CHLSN: variants seen among roughly 807,000 people sequenced by gnomAD.
The protein encoded by CHLSN is protein cholesin.
At chr7:1,118,785 G>A in the CHLSN span, among the ~76,000 whole-genome samples, 1 of 103,554 alleles carries the variant, frequency 9.7e-6, no homozygotes, top group Non-Finnish European at 1.8e-5. Flanking sequence ...AAGATAGTGA[G>A]ACCCCATCTC....
the CHLSN span, among the ~76,000 whole-genome samples, chr7:1,083,811 C>T: frequency 2.0e-5 from 3 of 152,338 alleles, no homozygotes; most frequent in Admixed American, 6.5e-5. Flanking sequence ...GCGCCCACGT[C>T]CACCAGTGCC....
chr7:989,973 C>T, the CHLSN span, among the ~76,000 whole-genome samples: 2 of 112,080 alleles, frequency 1.8e-5, no homozygotes, highest in Non-Finnish European at 1.8e-5. Context: ...GTGTGAGTGG[C>T]GCGTGTGCTG....
chr7:1,101,742 C>G, the CHLSN span, among the ~76,000 whole-genome samples: 1 of 152,238 alleles, frequency 6.6e-6, no homozygotes, highest in African/African-American at 2.4e-5. Flanking sequence ...TTGGTATCCA[C>G]GCAGCCCGCA....
At chr7:1,007,573 C>G in the CHLSN span, among the ~76,000 whole-genome samples, 1 of 152,226 alleles carries the variant, frequency 6.6e-6, no homozygotes, top group Admixed American at 6.5e-5. Flanking sequence ...TGGAGACCCC[C>G]AGGAAAGAGG....
the CHLSN span, among the ~76,000 whole-genome samples, chr7:1,054,491 G>C: frequency 6.6e-6 from 1 of 152,250 alleles, no homozygotes; most frequent in East Asian, 1.9e-4. Flanking sequence ...TCGAGAGCCG[G>C]TTCAGGGCGA....
the CHLSN span, among the ~76,000 whole-genome samples, chr7:1,137,071 G>T: frequency 2.0e-5 from 3 of 152,084 alleles, no homozygotes; most frequent in African/African-American, 7.2e-5. Context: ...CCACTTGGAG[G>T]GAAAGTCAAG....
chr7:989,150 A>G, the CHLSN span: 1 of 353,464 alleles, frequency 2.8e-6, no homozygotes, highest in Non-Finnish European at 5.1e-6. Context: ...CCCAGCACCT[A>G]CAGCTGGGGC....
chr7:1,059,172 G>A, the CHLSN span: 1 of 168,024 alleles, frequency 6.0e-6, no homozygotes, highest in Non-Finnish European at 1.5e-5. Context: ...GATAACATCA[G>A]CTGAGGTTTT....
chr7:1,037,147 G>T, the CHLSN span, among the ~76,000 whole-genome samples: 1 of 146,064 alleles, frequency 6.8e-6, no homozygotes, highest in Non-Finnish European at 1.5e-5. Context: ...GTAATAGAAA[G>T]GATTTACTTC....
chr7:1,059,586 G>A, the CHLSN span, among the ~76,000 whole-genome samples: 34,277 of 135,076 alleles, frequency 0.25, 4,907 homozygotes, highest in African/African-American at 0.28. Flanking sequence ...TCCTAGTGAG[G>A]CGGGTCCCGA....
the CHLSN span, among the ~76,000 whole-genome samples, chr7:1,070,598 ACATGCACACATG>A: frequency 1.4e-5 from 2 of 146,826 alleles, no homozygotes; most frequent in Non-Finnish European, 3.0e-5. Context: ...ACACGCACAC[ACATGCACACATG>A]CATGCACACA....
the CHLSN span, among the ~76,000 whole-genome samples, chr7:1,108,628 G>C: frequency 9.2e-5 from 14 of 152,314 alleles, no homozygotes; most frequent in African/African-American, 3.1e-4. Context: ...CCAGCTAAAA[G>C]GATTTTGTAC....
At chr7:1,022,211 G>A in the CHLSN span, among the ~76,000 whole-genome samples, 174 of 152,304 alleles carry the variant, frequency 1.1e-3, no homozygotes, top group Middle Eastern at 3.4e-3. Flanking sequence ...CCCGTCCCAC[G>A]AGGACAGACG....
At chr7:995,594 G>A in the CHLSN span, among the ~76,000 whole-genome samples, 19 of 152,226 alleles carry the variant, frequency 1.2e-4, no homozygotes, top group Non-Finnish European at 2.4e-4. Context: ...GTGCCTCACA[G>A]CATAGGGGCC....
the CHLSN span, among the ~76,000 whole-genome samples, chr7:1,079,603 AC>A: frequency 6.6e-6 from 1 of 152,018 alleles, no homozygotes; most frequent in Non-Finnish European, 1.5e-5. Context: ...AATCTGCACA[AC>A]CCCCCTCCCT....
chr7:1,127,493 A>G, the CHLSN span: 1 of 1,062,062 alleles, frequency 9.4e-7, no homozygotes, highest in East Asian at 2.7e-5. Context: ...AAAAAAAAAA[A>G]GAGTATTATG....
chr7:1,058,835 G>C, the CHLSN span: 4 of 362,746 alleles, frequency 1.1e-5, no homozygotes. Context: ...AAAGCTTAGA[G>C]CCAGTATTTA....
At chr7:1,039,470 C>T in the CHLSN span, among the ~76,000 whole-genome samples, 1 of 67,056 alleles carries the variant, frequency 1.5e-5, no homozygotes, top group African/African-American at 8.2e-5. Context: ...AGGTGAGGGG[C>T]GCCTCTGCCC....
chr7:983,423 C>T, the CHLSN span: 45 of 1,429,006 alleles, frequency 3.1e-5, no homozygotes, highest in Non-Finnish European at 4.1e-5. Flanking sequence ...GCCGCTTGGA[C>T]AGCTGCCGTG....
Sources: gnomAD v4.1 joint callset for allele counts (sites outside exome capture counted in the v4.1 genomes callset) on GRCh38, gnomAD v4.1.1 for gene constraint, MANE v1.5 for transcripts, NCBI Gene and HGNC (gene_info 2026-07-23, HGNC 2026-07-21) for gene names.